The following NDUFAF4 variants were observed in gnomAD, a reference collection of about 807,000 sequenced individuals.
NDUFAF4 encodes the protein NADH dehydrogenase [ubiquinone] 1 alpha subcomplex assembly factor 4.
A neutral mutation model predicts 15.6 loss-of-function variants in NDUFAF4; 10 were observed. That is an observed-to-expected ratio of 0.64 (90% CI 0.40 to 1.09). The LOEUF (loss-of-function observed/expected upper bound fraction) is 1.09, where lower values mean the gene tolerates loss of function less well. Among genes scored for constraint, NDUFAF4 ranks in the 50% least tolerant of loss-of-function variants. The pLI is 0.01. For synonymous variants in NDUFAF4, 77 were observed against 73.3 expected (o/e 1.05, Z -0.26); for missense variants, 203 against 207.3 (o/e 0.98, Z 0.13).
chr6:96,897,318 C>T (rs1775394007), intron 1 of NDUFAF4, among the ~76,000 whole-genome samples: 1 of 152,186 alleles, frequency 6.6e-6, no homozygotes, highest in African/African-American at 2.4e-5. Flanking sequence ...TCAGGCTCTG[C>T]GTCCATCGTC....
At chr6:96,895,138 T>G (rs1775356105) in intron 2 of NDUFAF4, among the ~76,000 whole-genome samples, 1 of 152,092 alleles carries the variant, frequency 6.6e-6, no homozygotes, top group African/African-American at 2.4e-5. Context: ...TGAAAAGAGG[T>G]TCAACTGATC....
intron 2 of NDUFAF4, among the ~76,000 whole-genome samples, chr6:96,895,547 C>T (rs1775361075): frequency 1.3e-5 from 2 of 152,226 alleles, no homozygotes; most frequent in East Asian, 1.9e-4. Context: ...TCTCTTTACG[C>T]ATTATATGTA....
intron 2 of NDUFAF4, 90 bp downstream of exon 2, chr6:96,896,654 C>G: frequency 9.6e-7 from 1 of 1,040,146 alleles, no homozygotes; most frequent in South Asian, 1.3e-5. Context: ...ACTTGCAGAG[C>G]ACTCTTTTTA....
intron 2 of NDUFAF4, among the ~76,000 whole-genome samples, chr6:96,893,044 A>G (rs543630652): frequency 6.6e-6 from 1 of 152,158 alleles, no homozygotes; most frequent in African/African-American, 2.4e-5. Context: ...CCTCAATTTC[A>G]ATGACCAACA....
Position 96,897,858 on chromosome 6 carries a change from A to C in NDUFAF4, c.-57T>G. ...CCGCACGTGGGAACACCGGCGCAGG[A>C]CAACTCCGGGACACCCGGAGCATGC... On this transcript the variant is annotated 5_prime_UTR_variant, in exon 1 of 3. Transcript: ENST00000316149. The C allele has an allele frequency of 3.7e-6, 6 of 1,612,054 alleles. No homozygotes were observed. Among genetic ancestry groups the C allele is most frequent in the Non-Finnish European group, 4.2e-6 (5 of 1,178,948 alleles).
intron 1 of NDUFAF4, 55 bp downstream of exon 1, chr6:96,897,611 G>C: frequency 1.2e-6 from 2 of 1,609,454 alleles, no homozygotes; most frequent in Non-Finnish European, 1.7e-6. Flanking sequence ...AGGGACAGCC[G>C]GGCAGCACAG....
At chr6:96,891,515 C>G (rs1007767754) in intron 2 of NDUFAF4, 124 bp from the exon 3 acceptor site, 2 of 1,042,900 alleles carry the variant, frequency 1.9e-6, no homozygotes, top group African/African-American at 3.2e-5. Context: ...GTGTCCCCAC[C>G]CAAATCTCAT....
intron 2 of NDUFAF4, among the ~76,000 whole-genome samples, chr6:96,891,757 A>G (rs778628532): frequency 1.6e-4 from 24 of 151,954 alleles, no homozygotes; most frequent in Non-Finnish European, 3.4e-4. Context: ...GCCTCCCCAG[A>G]AGCAGAAGCT....
chr6:96,897,863 T>G lies in NDUFAF4; in HGVS notation c.-62A>C. The G allele has an allele frequency of 1.9e-6, 3 of 1,608,412 alleles. No individual in the cohort carries two copies. Among genetic ancestry groups the G allele is most frequent in the East Asian group, 2.2e-5 (1 of 44,836 alleles). The stretch of plus-strand genomic sequence containing the variant: ...CGTGGGAACACCGGCGCAGGACAAC[T>G]CCGGGACACCCGGAGCATGCGCACA... On this transcript the variant is annotated 5_prime_UTR_variant, in exon 1 of 3. Transcript: ENST00000316149.
At chr6:96,894,561 T>C (rs1775349102) in intron 2 of NDUFAF4, among the ~76,000 whole-genome samples, 1 of 152,192 alleles carries the variant, frequency 6.6e-6, no homozygotes, top group Admixed American at 6.5e-5. Flanking sequence ...TAGTTGTTAA[T>C]TAAACTTTAT....
At chr6:96,897,541 A>T in intron 1 of NDUFAF4, 125 bp downstream of exon 1, 1 of 1,421,886 alleles carries the variant, frequency 7.0e-7, no homozygotes, top group South Asian at 1.2e-5. Context: ...ACGCTCCGCC[A>T]ACCCGAGCGG....
At position 96,889,974 on chromosome 6, in the gene NDUFAF4, T is replaced by C. The variant is rs1775292302; in HGVS notation, c.*1130A>G. On this transcript the variant is annotated 3_prime_UTR_variant, in exon 3 of 3. Transcript: ENST00000316149. ...TTGGTCCTTTGTAGTCCTTTATTAT[T>C]TATCTTCATGATAACCCTTACATTT... 1 of 152,124 alleles carries C rather than the reference T, an allele frequency of 6.6e-6. No homozygotes were observed. Among genetic ancestry groups the C allele is most frequent in the Non-Finnish European group, 1.5e-5 (1 of 68,008 alleles). 9.4% of individuals were successfully genotyped at this position (152,124 alleles called of 1,614,324 possible). A position where few individuals can be genotyped will look rare whatever the true frequency, so the allele number is the denominator to read the frequency against.
chr6:96,897,693 T>G lies in NDUFAF4; in HGVS notation c.109A>C (p.Asn37His). Residue 37 changes from asparagine (N) to histidine (H), a missense_variant, in exon 1 of 3, where the codon AAC becomes CAC. Coordinates refer to ENST00000316149, the MANE Select transcript of NDUFAF4 (RefSeq NM_014165.4). ...CTAATCTGCTCTCGCAGGAGGCTGTTGGTAGAGGGGTGTCTGGGAGCGACA... is the reference window on the plus strand; with the variant it reads ...CTAATCTGCTCTCGCAGGAGGCTGTGGGTAGAGGGGTGTCTGGGAGCGACA... ...PSVAPRHPSTNSLLREQISLY... is the reference protein window; with the variant it reads ...PSVAPRHPSTHSLLREQISLY... 6.2e-7 allele frequency: 1 copy of G among 1,614,140 alleles called. No homozygotes were observed. The highest frequency in any genetic ancestry group is 8.5e-7 in the Non-Finnish European group (1 of 1,179,984).
chr6:96,893,072 C>G (rs1775334040), intron 2 of NDUFAF4, among the ~76,000 whole-genome samples: 1 of 152,084 alleles, frequency 6.6e-6, no homozygotes, highest in Non-Finnish European at 1.5e-5. Context: ...CCTCTCATGC[C>G]AAAAATGAGA....
chr6:96,893,525 T>C (rs924620549), intron 2 of NDUFAF4, among the ~76,000 whole-genome samples: 2 of 152,186 alleles, frequency 1.3e-5, no homozygotes, highest in African/African-American at 4.8e-5. Flanking sequence ...TATCTTTATA[T>C]TGCAAACTAG....
chr6:96,890,329 C>A lies in NDUFAF4; in HGVS notation c.*775G>T, dbSNP rs765415933. ...TTCTTTAAATTTTTCTCTATTTCCA[C>A]ATTAAATCCAGAGAAATGTTACTTT... On this transcript the variant is annotated 3_prime_UTR_variant, in exon 3 of 3. Coordinates refer to ENST00000316149, the MANE Select transcript of NDUFAF4 (RefSeq NM_014165.4). 3 of 152,080 alleles carry A rather than the reference C, an allele frequency of 2.0e-5. No homozygotes were observed. The highest frequency in any genetic ancestry group is 1.3e-4 in the Admixed American group (2 of 15,258). 9.4% of individuals were successfully genotyped at this position (152,080 alleles called of 1,614,324 possible).
At chr6:96,894,923 G>A (rs533187965) in intron 2 of NDUFAF4, among the ~76,000 whole-genome samples, 25 of 151,116 alleles carry the variant, frequency 1.7e-4, no homozygotes, top group South Asian at 6.3e-4. Flanking sequence ...CTTTTTAAAA[G>A]AATGAGAGAA....
chr6:96,895,219 C>T (rs898514528), intron 2 of NDUFAF4, among the ~76,000 whole-genome samples: 48 of 152,078 alleles, frequency 3.2e-4, no homozygotes, highest in African/African-American at 1.1e-3. Context: ...TATAAAACTA[C>T]TGGAAGAAAA....
intron 2 of NDUFAF4, among the ~76,000 whole-genome samples, chr6:96,894,464 G>GAAAAA (rs955206795): frequency 2.6e-5 from 4 of 151,804 alleles, no homozygotes; most frequent in African/African-American, 9.7e-5. Flanking sequence ...ACTTAATGAG[G>GAAAAA]AAAAAAAATC....
Sources: allele counts gnomAD v4.1 joint callset (sites outside exome capture counted in the v4.1 genomes callset), GRCh38; gene constraint gnomAD v4.1.1; transcripts MANE v1.5; gene names NCBI Gene and HGNC (gene_info 2026-07-23, HGNC 2026-07-21).